Variants in MAST2 observed in about 807,000 individuals in gnomAD.
The protein encoded by MAST2 is microtubule associated serine/threonine kinase 2.
MAST2 carries 70 observed loss-of-function variants against 147.4 expected under a neutral mutation model. The ratio of observed to expected loss-of-function variants is 0.47; its 90% CI spans 0.39 to 0.58. The LOEUF (loss-of-function observed/expected upper bound fraction) is 0.58, where lower values mean the gene tolerates loss of function less well. MAST2 is among the 20% of genes least tolerant of loss of function. MAST2 has a pLI of 0.00. For missense variants in MAST2, 2,080 were observed against 2,302.3 expected (o/e 0.90, Z 1.98); for synonymous variants, 869 against 896.8 (o/e 0.97, Z 0.55).
At chr1:45,909,498 C>T (rs1205341225) in intron 4 of MAST2, among the ~76,000 whole-genome samples, 1 of 151,288 alleles carries the variant, frequency 6.6e-6, no homozygotes, top group Non-Finnish European at 1.5e-5. Flanking sequence ...ACAATCACAC[C>T]ATCATTCTAT....
At chr1:45,925,447 T>C (rs1373199151) in intron 4 of MAST2, among the ~76,000 whole-genome samples, 1 of 152,186 alleles carries the variant, frequency 6.6e-6, no homozygotes, top group African/African-American at 2.4e-5. Context: ...TTCCAGAGTA[T>C]TGATTGGCAC....
intron 3 of MAST2, among the ~76,000 whole-genome samples, chr1:45,851,545 T>G (rs990378308): frequency 6.6e-6 from 1 of 152,224 alleles, no homozygotes; most frequent in African/African-American, 2.4e-5. Context: ...CTTGTTCCAG[T>G]TCTCAAGAGG....
Position 46,023,036 on chromosome 1 carries a change from T to C in MAST2, c.1485+65T>C. 1 of 1,487,300 alleles carries C rather than the reference T, an allele frequency of 6.7e-7. No individual in the cohort carries two copies. The highest frequency in any genetic ancestry group is 1.7e-5 in the Admixed American group (1 of 58,264). The allele number at this position is 1,487,300 out of a possible 1,614,324, so 92.1% of individuals were successfully genotyped here. The stretch of plus-strand genomic sequence containing the variant: ...GCCCTATGAAGCAAAGAGCTATGAA[T>C]TCTCTTTAAGAGAATATCTGAGGAA... On this transcript the variant is annotated intron_variant, in intron 13 of 28. Transcript: ENST00000361297. The surrounding 1 kb of genome is among the most constrained non-coding windows in gnomAD (Gnocchi z 4.9).
At chr1:45,878,272 A>G (rs1469714690) in intron 3 of MAST2, among the ~76,000 whole-genome samples, 1 of 152,020 alleles carries the variant, frequency 6.6e-6, no homozygotes, top group Non-Finnish European at 1.5e-5. Context: ...TAGAAAATCA[A>G]TCACTGTAAT....
At chr1:45,911,852 TATATTATTATTATTATTA>T (rs1470969781) in intron 4 of MAST2, among the ~76,000 whole-genome samples, 1 of 129,546 alleles carries the variant, frequency 7.7e-6, no homozygotes, top group Non-Finnish European at 1.6e-5. Flanking sequence ...TTATTATTGT[TATATTATTATTATTATTA>T]TTATTATTAT....
At chr1:46,030,937 G>C in intron 22 of MAST2, 70 bp from the exon 23 acceptor site, 9 of 1,547,976 alleles carry the variant, frequency 5.8e-6, no homozygotes, top group Non-Finnish European at 7.9e-6. Flanking sequence ...ACCCTTGTGT[G>C]CCCCTAAGGA....
At chr1:46,010,387 C>T (rs1451557499) in intron 9 of MAST2, among the ~76,000 whole-genome samples, 3 of 152,140 alleles carry the variant, frequency 2.0e-5, no homozygotes, top group African/African-American at 7.2e-5. Flanking sequence ...AAGCCACACA[C>T]TGGGAAGAGC....
intron 4 of MAST2, among the ~76,000 whole-genome samples, chr1:45,907,079 C>G (rs1035349887): frequency 5.9e-5 from 9 of 152,132 alleles, no homozygotes; most frequent in African/African-American, 2.2e-4. Flanking sequence ...TAGGTTTATG[C>G]AGGTATACTC....
chr1:45,912,952 A>G (rs1025672951), intron 4 of MAST2, among the ~76,000 whole-genome samples: 1 of 152,322 alleles, frequency 6.6e-6, no homozygotes. Flanking sequence ...TTCATTTTAC[A>G]GGTGGGGAAA....
intron 5 of MAST2, among the ~76,000 whole-genome samples, chr1:45,968,960 C>T (rs541055773): frequency 6.7e-6 from 1 of 149,782 alleles, no homozygotes; most frequent in South Asian, 2.1e-4. Flanking sequence ...AAGATTATTT[C>T]CCCAGCAGTG....
rs922110690 is a variant in MAST2 at position 45,890,463 on chromosome 1, C to T, written c.500+8068C>T. ...GTGCTCACATGGCCTTTATGTGGTACACCAGCCTGAGGATAGGGGCATAGA... is the reference window on the plus strand; with the variant it reads ...GTGCTCACATGGCCTTTATGTGGTATACCAGCCTGAGGATAGGGGCATAGA... On this transcript the variant is annotated intron_variant, in intron 4 of 28. Transcript: ENST00000361297. Among the ~76,000 whole-genome samples, 8 of 152,308 alleles carry T rather than the reference C, an allele frequency of 5.3e-5. No homozygotes were observed. The East Asian group carries it at 1.2e-3, about 22-fold the overall frequency.
Position 46,031,186 on chromosome 1 carries a change from C to A in MAST2, c.2888C>A (p.Pro963His), listed in dbSNP as rs1354558560. 1.9e-6 allele frequency: 3 copies of A among 1,581,126 alleles called. No individual in the cohort carries two copies. Among genetic ancestry groups the A allele is most frequent in the Non-Finnish European group, 2.6e-6 (3 of 1,159,066 alleles). Reference protein sequence around the residue: ...QPQEGIWVLTPPSGEGVSGPV... With the variant: ...QPQEGIWVLTHPSGEGVSGPV... The stretch of plus-strand genomic sequence containing the variant: ...CAGGAGGGTATATGGGTCCTGACAC[C>A]CCCATCTGGAGAGGGGGTATCTGGG... The change falls in exon 23 of 29, where the codon CCC becomes CAC. Residue 963 changes from proline to histidine, a missense_variant. Pro to His is a moderately conservative substitution (Grantham distance 77, BLOSUM62 -2). This residue lies in a region of MAST2 where 1,278 missense variants were observed against 1,304.2 expected (regional missense o/e 0.98). Transcript: ENST00000361297. This position sits in a 1 kb window ranked among gnomAD's most constrained non-coding sequence, Gnocchi z 4.1.
At chr1:45,986,140 A>G (rs373238670) in intron 5 of MAST2, among the ~76,000 whole-genome samples, 1 of 152,244 alleles carries the variant, frequency 6.6e-6, no homozygotes, top group South Asian at 2.1e-4. Flanking sequence ...TGTCTTTACT[A>G]TTAACTGTGG....
chr1:45,864,101 A>G (rs1012564139), intron 3 of MAST2, among the ~76,000 whole-genome samples: 5 of 152,254 alleles, frequency 3.3e-5, no homozygotes, highest in African/African-American at 1.2e-4. Context: ...ATTTTGAGCC[A>G]TGAATTAAGA....
chr1:45,850,894 A>G (rs934214542), intron 3 of MAST2, among the ~76,000 whole-genome samples: 2 of 148,534 alleles, frequency 1.3e-5, no homozygotes, highest in Non-Finnish European at 1.5e-5. Flanking sequence ...GAAGCTGGGT[A>G]ATGTAATCCC....
At chr1:45,894,405 A>G (rs1174660406) in intron 4 of MAST2, among the ~76,000 whole-genome samples, 2 of 152,196 alleles carry the variant, frequency 1.3e-5, no homozygotes, top group Non-Finnish European at 2.9e-5. Flanking sequence ...ATAAACAAAC[A>G]TAGAAAGTAA....
chr1:45,824,958 GA>G (rs1177150119), intron 2 of MAST2, among the ~76,000 whole-genome samples: 2 of 152,196 alleles, frequency 1.3e-5, no homozygotes, highest in Non-Finnish European at 2.9e-5. Context: ...AATTCAGGGG[GA>G]AAAAATTATA....
At chr1:45,892,247 AG>A (rs1647925330) in intron 4 of MAST2, among the ~76,000 whole-genome samples, 1 of 152,204 alleles carries the variant, frequency 6.6e-6, no homozygotes. Flanking sequence ...AAGGAGACTC[AG>A]TAAGACGTTC....
intron 4 of MAST2, among the ~76,000 whole-genome samples, chr1:45,932,617 G>A (rs965588125): frequency 1.3e-5 from 2 of 152,142 alleles, no homozygotes; most frequent in African/African-American, 2.4e-5. Context: ...AGGTTGTAGT[G>A]AGCCAAGATC....
Sources: allele counts gnomAD v4.1 joint callset (sites outside exome capture counted in the v4.1 genomes callset), GRCh38; gene constraint gnomAD v4.1.1; regional missense constraint gnomAD v4.1.1; non-coding constraint Gnocchi (gnomAD v3.1); transcripts MANE v1.5; gene names NCBI Gene and HGNC (gene_info 2026-07-23, HGNC 2026-07-21).